BMPR1B: variants seen among roughly 807,000 people sequenced by gnomAD.
BMPR1B encodes bone morphogenetic protein receptor type 1B.
Under a neutral mutation model 59.1 loss-of-function variants are expected in BMPR1B, and 12 were observed. The ratio of observed to expected loss-of-function variants is 0.20; its 90% CI spans 0.13 to 0.33. The LOEUF is 0.33. BMPR1B is among the 10% of genes least tolerant of loss of function. The pLI is 1.00. For missense variants in BMPR1B, 550 were observed against 610.9 expected (o/e 0.90, Z 1.05); for synonymous variants, 237 against 207.3 (o/e 1.14, Z -1.23).
At chr4:94,825,434 A>G (rs968900149) in intron 1 of BMPR1B, among the ~76,000 whole-genome samples, 23 of 152,126 alleles carry the variant, frequency 1.5e-4, no homozygotes, top group Admixed American at 5.9e-4. Flanking sequence ...GAGCCCAGGA[A>G]TTCAAGGCTG....
At chr4:95,061,160 A>C (rs13126461) in intron 3 of BMPR1B, among the ~76,000 whole-genome samples, 1 of 142,570 alleles carries the variant, frequency 7.0e-6, no homozygotes, top group Admixed American at 7.2e-5. Flanking sequence ...ATTTAGAATA[A>C]ACACACACAC....
chr4:94,854,514 C>T (rs1385092572), intron 1 of BMPR1B, among the ~76,000 whole-genome samples: 1 of 152,102 alleles, frequency 6.6e-6, no homozygotes, highest in Non-Finnish European at 1.5e-5. Flanking sequence ...ACACAAATCT[C>T]TTGATTTATG....
In BMPR1B at chr4:94,769,338, C is replaced by T. The variant is rs377426460; in HGVS notation, c.-183+11270C>T. 1.6e-4 allele frequency among the ~76,000 whole-genome samples: 25 copies of T among 152,284 alleles called. No individual in the cohort carries two copies. The South Asian group carries it at 2.1e-3, about 13-fold the overall frequency. ...TTAAATTCACAGTTGAGGCCGGGCG[C>T]GGTGGCTCACGCCTGTAATCCTAGC... On this transcript the variant is annotated intron_variant, in intron 1 of 12. Coordinates refer to ENST00000515059, the MANE Select transcript of BMPR1B (RefSeq NM_001203.3).
At chr4:94,835,584 C>G (rs562245098) in intron 1 of BMPR1B, among the ~76,000 whole-genome samples, 1 of 152,078 alleles carries the variant, frequency 6.6e-6, no homozygotes, top group South Asian at 2.1e-4. Flanking sequence ...TGGTAACAAC[C>G]AAATGTGGTG....
intron 6 of BMPR1B, among the ~76,000 whole-genome samples, chr4:95,116,297 A>G (rs1732027862): frequency 6.6e-6 from 1 of 152,038 alleles, no homozygotes; most frequent in Non-Finnish European, 1.5e-5. Flanking sequence ...TTCAAAACTT[A>G]CCCATTTAAG....
At chr4:95,011,909 C>CT (rs2149124875) in intron 3 of BMPR1B, among the ~76,000 whole-genome samples, 2 of 152,048 alleles carry the variant, frequency 1.3e-5, no homozygotes, top group East Asian at 3.9e-4. Context: ...TTCTGAACTA[C>CT]TTGGGAAACT....
intron 1 of BMPR1B, among the ~76,000 whole-genome samples, chr4:94,789,753 C>T (rs1212918605): frequency 6.6e-6 from 1 of 152,116 alleles, no homozygotes; most frequent in Non-Finnish European, 1.5e-5. Flanking sequence ...TTTACTTTTG[C>T]ACTCACCTAA....
intron 3 of BMPR1B, among the ~76,000 whole-genome samples, chr4:95,047,592 A>G (rs993639924): frequency 2.0e-5 from 3 of 152,120 alleles, no homozygotes; most frequent in Non-Finnish European, 4.4e-5. Context: ...TCCAGTGTAA[A>G]GTTATATTCC....
At chr4:95,046,613 T>TA (rs550829610) in intron 3 of BMPR1B, among the ~76,000 whole-genome samples, 9 of 152,190 alleles carry the variant, frequency 5.9e-5, no homozygotes, top group Admixed American at 2.0e-4. Context: ...TGAATGTCAT[T>TA]AGTAAGAACT....
At chr4:95,019,726 A>C (rs1024216464) in intron 3 of BMPR1B, among the ~76,000 whole-genome samples, 1 of 152,192 alleles carries the variant, frequency 6.6e-6, no homozygotes. Context: ...TAAGGACTCC[A>C]GTGTAAACAA....
At chr4:94,887,797 T>A (rs903349035) in intron 2 of BMPR1B, among the ~76,000 whole-genome samples, 2 of 152,164 alleles carry the variant, frequency 1.3e-5, no homozygotes, top group African/African-American at 4.8e-5. Flanking sequence ...CTTGACTCTC[T>A]GAAGAAGAAA....
At chr4:95,138,852 C>G (rs905085567) in intron 10 of BMPR1B, among the ~76,000 whole-genome samples, 7 of 152,144 alleles carry the variant, frequency 4.6e-5, no homozygotes, top group African/African-American at 1.7e-4. Context: ...ATGAGTTTGG[C>G]CATCCTCCTT....
intron 3 of BMPR1B, among the ~76,000 whole-genome samples, chr4:95,069,597 T>C (rs938406564): frequency 1.3e-5 from 2 of 152,226 alleles, no homozygotes; most frequent in Non-Finnish European, 2.9e-5. Context: ...TTTCCTACTT[T>C]ATTTCTCTCC....
chr4:94,815,994 G>A (rs900647032), intron 1 of BMPR1B, among the ~76,000 whole-genome samples: 3 of 152,130 alleles, frequency 2.0e-5, no homozygotes, highest in Non-Finnish European at 4.4e-5. Context: ...TGTAGTCTAT[G>A]TGATGTTGGC....
intron 1 of BMPR1B, among the ~76,000 whole-genome samples, chr4:94,874,319 A>G (rs1261887429): frequency 6.6e-6 from 1 of 152,142 alleles, no homozygotes; most frequent in African/African-American, 2.4e-5. Context: ...TTATATATCC[A>G]ACAGTGGAAT....
At chr4:94,841,981 C>A (rs1016920635) in intron 1 of BMPR1B, among the ~76,000 whole-genome samples, 1 of 152,026 alleles carries the variant, frequency 6.6e-6, no homozygotes. Context: ...AACATGGATC[C>A]CCAGTGGAAA....
chr4:94,762,911 C>T (rs980007625), intron 1 of BMPR1B, among the ~76,000 whole-genome samples: 2 of 151,070 alleles, frequency 1.3e-5, no homozygotes, highest in Non-Finnish European at 2.9e-5. Context: ...ATCTACATTG[C>T]AGCAATTCAC....
chr4:94,894,242 C>A (rs987773881), intron 2 of BMPR1B, among the ~76,000 whole-genome samples: 6 of 152,000 alleles, frequency 3.9e-5, no homozygotes, highest in African/African-American at 1.4e-4. Context: ...AAATGGTACT[C>A]ATTGTGTGTT....
rs1560656067 is a variant in BMPR1B, at chr4:95,104,474, A to T, written c.50A>T (p.Asp17Val). Reference sequence around the variant, plus strand: ...TTAAATGTGGGCACCAAGAAAGAGGATGGTGAGAGTACAGCCCCCACCCCC... The same window carrying T: ...TTAAATGTGGGCACCAAGAAAGAGGTTGGTGAGAGTACAGCCCCCACCCCC... ...GKLNVGTKKE[D>V]GESTAPTPRP... is the part of the protein sequence containing the mutation. Residue 17 changes from aspartate (D) to valine (V), a missense_variant, in exon 4 of 13, where the codon GAT becomes GTT. Physicochemically the swap from Asp to Val is radical, Grantham distance 152. Transcript: ENST00000515059. 6.2e-7 allele frequency: 1 copy of T among 1,613,436 alleles called. No homozygotes were observed. Among genetic ancestry groups the T allele is most frequent in the Non-Finnish European group, 8.5e-7 (1 of 1,179,614 alleles).
Sources: allele counts gnomAD v4.1 joint callset (sites outside exome capture counted in the v4.1 genomes callset), GRCh38; gene constraint gnomAD v4.1.1; transcripts MANE v1.5; gene names NCBI Gene and HGNC (gene_info 2026-07-23, HGNC 2026-07-21).